OIP5: variants seen among roughly 807,000 people sequenced by gnomAD.
The protein encoded by OIP5 is Opa interacting protein 5.
A neutral mutation model predicts 20.3 loss-of-function variants in OIP5; 24 were observed. That is an observed-to-expected ratio of 1.18 (90% CI 0.86 to 1.66). The LOEUF is 1.66. Among genes scored for constraint, OIP5 ranks in the 40% most tolerant of loss-of-function variants. The pLI, the probability that OIP5 is intolerant of heterozygous loss-of-function variation, is 0.00. For synonymous variants in OIP5, 143 were observed against 121.3 expected (o/e 1.18, Z -1.17); for missense variants, 339 against 289.5 (o/e 1.17, Z -1.24).
rs145648164 is a variant in OIP5, at chr15:41,331,461, G to T, written c.389+454C>A. ...TAGCCGGGAGTGGTGCTGTGTGCCT[G>T]TAGTCCCAGCTACTCCGGAGGGTGA... On this transcript the variant is annotated intron_variant, in intron 2 of 4. Transcript: ENST00000220514. Among the ~76,000 whole-genome samples, 567 of 152,314 alleles carry T rather than the reference G, an allele frequency of 3.7e-3. 2 individuals carry two copies. The highest frequency in any genetic ancestry group is 6.0e-3 in the South Asian group (29 of 4,830).
chr15:41,313,913 G>C (rs745592919), intron 3 of OIP5, among the ~76,000 whole-genome samples: 2 of 152,098 alleles, frequency 1.3e-5, no homozygotes, highest in Non-Finnish European at 2.9e-5. Flanking sequence ...ACAAATTGGA[G>C]AGGATCTCTG....
Position 41,332,337 on chromosome 15 carries a change from G to C in OIP5, c.225C>G (p.Cys75Trp), listed in dbSNP as rs747959991. Residue 75 changes from cysteine to tryptophan, a missense_variant, in exon 1 of 5, where the codon TGC (cysteine) becomes TGG (tryptophan). Transcript: ENST00000220514. Reference protein sequence around the residue: ...QLPSWLQPERCAVFQCAQCHA... With the variant: ...QLPSWLQPERWAVFQCAQCHA... ...GACACTGTGCGCACTGGAACACAGC[G>C]CACCTCTCAGGCTGCAGCCAAGACG... The C allele has an allele frequency of 8.7e-6, 14 of 1,611,944 alleles. No homozygotes were observed. Among genetic ancestry groups the C allele is most frequent in the Non-Finnish European group, 1.1e-5 (13 of 1,178,942 alleles).
intron 2 of OIP5, among the ~76,000 whole-genome samples, chr15:41,321,828 T>C (rs1453783271): frequency 1.3e-5 from 2 of 150,352 alleles, no homozygotes; most frequent in African/African-American, 2.4e-5. Context: ...CCAGAGACCT[T>C]TGTTCACTTG....
intron 3 of OIP5, 129 bp from the exon 4 acceptor site, chr15:41,313,483 C>A (rs936826347): frequency 3.4e-6 from 2 of 588,332 alleles, no homozygotes; most frequent in South Asian, 4.0e-5. Context: ...TTTCAAGACT[C>A]ATGATGTTAC....
chr15:41,316,746 C>T (rs921925732), intron 3 of OIP5, among the ~76,000 whole-genome samples: 9 of 136,842 alleles, frequency 6.6e-5, no homozygotes, highest in Admixed American at 3.2e-4. Flanking sequence ...ACCAAGATCA[C>T]GTCACTGCAC....
At chr15:41,329,631 A>C (rs945314852) in intron 2 of OIP5, among the ~76,000 whole-genome samples, 1 of 151,782 alleles carries the variant, frequency 6.6e-6, no homozygotes, top group Non-Finnish European at 1.5e-5. Context: ...AGTTTTTTAC[A>C]AAGCATCTAA....
chr15:41,331,643 A>C (rs1254837018), intron 2 of OIP5, among the ~76,000 whole-genome samples: 1 of 152,210 alleles, frequency 6.6e-6, no homozygotes, highest in Non-Finnish European at 1.5e-5. Context: ...CTGTAAACCA[A>C]AAGGTTATTT....
intron 2 of OIP5, among the ~76,000 whole-genome samples, chr15:41,322,585 G>T (rs186849966): frequency 1.6e-4 from 25 of 151,926 alleles, no homozygotes; most frequent in African/African-American, 3.9e-4. Flanking sequence ...GCAGAAATGG[G>T]GTCTTACTTT....
At chr15:41,322,912 G>A (rs545633134) in intron 2 of OIP5, among the ~76,000 whole-genome samples, 25 of 151,688 alleles carry the variant, frequency 1.6e-4, no homozygotes, top group African/African-American at 6.0e-4. Flanking sequence ...TCCAGCCTGG[G>A]CAACAAGAGC....
Position 41,314,938 on chromosome 15 carries a change from AC to A in OIP5, c.513-1585del, listed in dbSNP as rs373743769. ...TGAGCCAACATGCCTGGCCAGCGAA[AC>A]CCCATCTCTACAAAAAATACAAAAA... is the stretch of plus-strand genomic sequence containing the variant. On this transcript the variant is annotated intron_variant, in intron 3 of 4. Coordinates refer to ENST00000220514, the MANE Select transcript of OIP5 (RefSeq NM_007280.2). 1.3e-4 allele frequency among the ~76,000 whole-genome samples: 19 copies of A among 151,130 alleles called. No individual in the cohort carries two copies. The South Asian group carries it at 1.7e-3, about 13-fold the overall frequency.
intron 2 of OIP5, among the ~76,000 whole-genome samples, chr15:41,328,668 T>C (rs1050497926): frequency 6.6e-6 from 1 of 152,180 alleles, no homozygotes; most frequent in Non-Finnish European, 1.5e-5. Flanking sequence ...TTCATGCCAA[T>C]TGTAGAATGT....
chr15:41,310,656 A>T (rs2140457115), intron 4 of OIP5, among the ~76,000 whole-genome samples: 1 of 151,750 alleles, frequency 6.6e-6, no homozygotes, highest in African/African-American at 2.4e-5. Flanking sequence ...AGATCCTCAG[A>T]TGTAAAGTTT....
At chr15:41,312,381 G>C (rs1376625093) in intron 4 of OIP5, among the ~76,000 whole-genome samples, 2 of 149,768 alleles carry the variant, frequency 1.3e-5, no homozygotes, top group African/African-American at 4.9e-5. Context: ...GGCTGGTCTC[G>C]AACTACTGAT....
chr15:41,319,437 G>C (rs546158476), intron 3 of OIP5, among the ~76,000 whole-genome samples: 1 of 151,660 alleles, frequency 6.6e-6, no homozygotes, highest in African/African-American at 2.4e-5. Flanking sequence ...TGTATTTTTC[G>C]TAGAGATGGG....
At chr15:41,322,546 G>A (rs2047836714) in intron 2 of OIP5, among the ~76,000 whole-genome samples, 1 of 152,060 alleles carries the variant, frequency 6.6e-6, no homozygotes, top group Non-Finnish European at 1.5e-5. Flanking sequence ...ACAGGTGCAT[G>A]CTACCATGCC....
intron 1 of OIP5, 85 bp downstream of exon 1, chr15:41,332,155 G>T: frequency 6.9e-7 from 1 of 1,440,424 alleles, no homozygotes; most frequent in Non-Finnish European, 9.5e-7. Context: ...TTCTTCCCCA[G>T]GTGGTTCTCC....
At position 41,332,414 on chromosome 15, in the gene OIP5, G is replaced by A. The variant is rs1421904543; in HGVS notation, c.148C>T (p.Leu50Phe). The A allele has an allele frequency of 2.5e-6, 4 of 1,613,966 alleles. No homozygotes were observed. In the South Asian group the frequency reaches 4.4e-5, roughly 18 times the overall value. ...DTQVVKGSSP[L>F]GPAGLGAEEP... ...TCAGCCCCCAGCCCTGCGGGGCCGA[G>A]CGGCGAGGACCCCTTCACCACCTGC... Residue 50 changes from leucine (L) to phenylalanine (F), a missense_variant, in exon 1 of 5, where the codon CTC becomes TTC. Coordinates refer to ENST00000220514, the MANE Select transcript of OIP5 (RefSeq NM_007280.2).
chr15:41,328,679 TTAAA>T (rs944931625), intron 2 of OIP5, among the ~76,000 whole-genome samples: 1 of 152,176 alleles, frequency 6.6e-6, no homozygotes, highest in Non-Finnish European at 1.5e-5. Flanking sequence ...TGTAGAATGT[TTAAA>T]TAAATGTCGG....
intron 2 of OIP5, among the ~76,000 whole-genome samples, chr15:41,322,955 C>T (rs1344598709): frequency 6.6e-6 from 1 of 151,456 alleles, no homozygotes; most frequent in Non-Finnish European, 1.5e-5. Context: ...AAAAAAAAAT[C>T]ACATAGCTAA....
Sources: gnomAD v4.1 joint callset for allele counts (sites outside exome capture counted in the v4.1 genomes callset) on GRCh38, gnomAD v4.1.1 for gene constraint, MANE v1.5 for transcripts, NCBI Gene and HGNC (gene_info 2026-07-23, HGNC 2026-07-21) for gene names.